The following ANKRD11 variants were observed in gnomAD, a reference collection of about 807,000 sequenced individuals.
The protein encoded by ANKRD11 is ankyrin repeat domain 11, also known as ankyrin repeat domain-containing protein 11.
A neutral mutation model predicts 195.7 loss-of-function variants in ANKRD11; 17 were observed. The observed-to-expected ratio is 0.09, with a 90% CI of 0.06 to 0.13. ANKRD11 has a LOEUF of 0.13. Ranked by LOEUF, ANKRD11 falls within the 10% of genes least tolerant of loss-of-function variation. The probability of loss-of-function intolerance (pLI) is 1.00; values close to 1 mark genes in which losing one functional copy is unlikely to be tolerated. For missense variants in ANKRD11, 3,735 were observed against 3,566.1 expected (o/e 1.05, Z -1.21); for synonymous variants, 1,953 against 1,528.1 (o/e 1.28, Z -6.49).
At chr16:89,487,964 T>C (rs2057677352) in intron 1 of ANKRD11, among the ~76,000 whole-genome samples, 1 of 149,522 alleles carries the variant, frequency 6.7e-6, no homozygotes, top group South Asian at 2.1e-4. Context: ...ATGGCACTGC[T>C]GGTATGGGGT....
chr16:89,332,185 C>A (rs954025664), intron 2 of ANKRD11, among the ~76,000 whole-genome samples: 5 of 152,028 alleles, frequency 3.3e-5, no homozygotes, highest in Non-Finnish European at 7.4e-5. Context: ...GAATGTGTCA[C>A]AGAAATGACT....
At chr16:89,440,376 G>C (rs761330153) in intron 1 of ANKRD11, among the ~76,000 whole-genome samples, 48 of 152,184 alleles carry the variant, frequency 3.2e-4, no homozygotes, top group Non-Finnish European at 4.7e-4. Context: ...GGAAGGCTGA[G>C]GGGGGAGGAT....
intron 1 of ANKRD11, among the ~76,000 whole-genome samples, 155 bp downstream of exon 1, chr16:89,490,090 C>G (rs2057773827): frequency 6.8e-6 from 1 of 146,374 alleles, no homozygotes; most frequent in Admixed American, 6.7e-5. Context: ...GCCCCGGGCC[C>G]CCAAAGACCC....
intron 2 of ANKRD11, among the ~76,000 whole-genome samples, chr16:89,322,638 C>T (rs1399471480): frequency 6.8e-6 from 1 of 148,116 alleles, no homozygotes; most frequent in Non-Finnish European, 1.5e-5. Flanking sequence ...CTGACAGGAT[C>T]AAACACCAAA....
At chr16:89,447,722 C>A (rs2043861700) in intron 1 of ANKRD11, among the ~76,000 whole-genome samples, 1 of 150,786 alleles carries the variant, frequency 6.6e-6, no homozygotes, top group Non-Finnish European at 1.5e-5. Flanking sequence ...CAGGCGTGAG[C>A]CACCGCGCCT....
intron 2 of ANKRD11, among the ~76,000 whole-genome samples, chr16:89,373,875 T>G (rs1313506702): frequency 6.6e-6 from 1 of 152,216 alleles, no homozygotes; most frequent in Non-Finnish European, 1.5e-5. Flanking sequence ...TAATTGCACT[T>G]GACACAGAGG....
At chr16:89,397,295 G>A (rs1694639924) in intron 2 of ANKRD11, among the ~76,000 whole-genome samples, 1 of 152,190 alleles carries the variant, frequency 6.6e-6, no homozygotes, top group African/African-American at 2.4e-5. Flanking sequence ...AACCCCCTCA[G>A]GGCAAGGCCT....
At chr16:89,295,716 C>T (rs2035372150) in intron 4 of ANKRD11, among the ~76,000 whole-genome samples, 1 of 151,954 alleles carries the variant, frequency 6.6e-6, no homozygotes, top group Non-Finnish European at 1.5e-5. Context: ...TGGCACCTGG[C>T]TCTGTGCAGG....
rs78160353 is a variant in ANKRD11 at position 89,374,651 on chromosome 16, G to A, written c.-60+43633C>T. ...GCTCGGGCCATCTCCCGCGTGCTACGATCAGAGGAGAAAAGCTCCTCCAGA... is the reference window on the plus strand; with the variant it reads ...GCTCGGGCCATCTCCCGCGTGCTACAATCAGAGGAGAAAAGCTCCTCCAGA... On this transcript the variant is annotated intron_variant, in intron 2 of 12. Transcript: ENST00000301030. 4.6e-5 allele frequency among the ~76,000 whole-genome samples: 7 copies of A among 152,214 alleles called. No homozygotes were observed. In the East Asian group the frequency reaches 7.7e-4, roughly 17 times the overall value.
chr16:89,419,805 G>C (rs2042439851), intron 1 of ANKRD11, among the ~76,000 whole-genome samples: 1 of 150,976 alleles, frequency 6.6e-6, no homozygotes, highest in Non-Finnish European at 1.5e-5. Flanking sequence ...ACTCCTGGAA[G>C]ATGGAGTGAG....
Position 89,349,861 on chromosome 16 carries a change from AACACACACACAC to A in ANKRD11, c.-59-32795_-59-32784del, listed in dbSNP as rs34592614. Among the ~76,000 whole-genome samples the A allele has an allele frequency of 6.8e-3, 909 of 133,240 alleles. 4 individuals are homozygous for A. The highest frequency in any genetic ancestry group is 0.015 in the East Asian group (71 of 4,656). The allele number at this position is 133,240 out of a possible 152,430, so 87.4% of individuals were successfully genotyped here. ...AAAATACAGGCCAAATACTTGTTAAAACACACACACACACACACACACACACACACACACACA... is the reference window on the plus strand; with the variant it reads ...AAAATACAGGCCAAATACTTGTTAAAACACACACACACACACACACACACA... On this transcript the variant is annotated intron_variant, in intron 2 of 12. Transcript: ENST00000301030.
intron 2 of ANKRD11, among the ~76,000 whole-genome samples, chr16:89,336,620 G>A (rs369697485): frequency 1.4e-4 from 22 of 152,286 alleles, no homozygotes; most frequent in African/African-American, 5.3e-4. Flanking sequence ...GCTTTGTAAG[G>A]ACGGAAAGCC....
chr16:89,333,863 G>C (rs1357622350), intron 2 of ANKRD11, among the ~76,000 whole-genome samples: 1 of 152,158 alleles, frequency 6.6e-6, no homozygotes, highest in East Asian at 1.9e-4. Context: ...GTATTATTCT[G>C]TGAGTATGTT....
rs2151734092 is a variant in ANKRD11, at chr16:89,279,818, C to T, written c.6724G>A (p.Ala2242Thr). 1.9e-6 allele frequency: 3 copies of T among 1,543,544 alleles called. No individual in the cohort carries two copies. The highest frequency in any genetic ancestry group is 2.7e-5 in the African/African-American group (2 of 73,180). ...RGDPDSSVEPAPVPPEQRPLG... is the reference protein window; with the variant it reads ...RGDPDSSVEPTPVPPEQRPLG... ...GGGCGCTGTTCTGGGGGAACGGGCG[C>T]GGGCTCCACGCTGGAGTCCGGATCC... is the stretch of plus-strand genomic sequence containing the variant. Residue 2242 changes from alanine to threonine, a missense_variant, in exon 9 of 13, where the codon GCG becomes ACG. Physicochemically the swap from Ala to Thr is moderately conservative, Grantham distance 58 (BLOSUM62 0). Transcript: ENST00000301030. The surrounding 1 kb of genome is among the most constrained non-coding windows in gnomAD (Gnocchi z 5.6).
chr16:89,344,747 G>A lies in ANKRD11; in HGVS notation c.-59-27669C>T, dbSNP rs543856836. Among the ~76,000 whole-genome samples, 332 of 147,866 alleles carry A rather than the reference G, an allele frequency of 2.2e-3. 1 individual carries two copies. The highest frequency in any genetic ancestry group is 1.2e-3 in the Admixed American group (18 of 15,088). On this transcript the variant is annotated intron_variant, in intron 2 of 12. Coordinates refer to ENST00000301030, the MANE Select transcript of ANKRD11 (RefSeq NM_013275.6). ...AGCACGAGGGCACGGGAGCACAGCG[G>A]AGGGCACGGGAGCACAGCGGAGGGC... is the stretch of plus-strand genomic sequence containing the variant.
intron 2 of ANKRD11, among the ~76,000 whole-genome samples, chr16:89,370,189 C>G (rs2040133185): frequency 6.6e-6 from 1 of 152,230 alleles, no homozygotes; most frequent in African/African-American, 2.4e-5. Flanking sequence ...TGCCCTGGAG[C>G]TGGGGTGGAG....
chr16:89,389,323 C>A (rs1282779184), intron 2 of ANKRD11, among the ~76,000 whole-genome samples: 1 of 151,922 alleles, frequency 6.6e-6, no homozygotes, highest in Non-Finnish European at 1.5e-5. Flanking sequence ...CCACACCCGA[C>A]CTACAACTTT....
chr16:89,487,321 T>C (rs1258720483), intron 1 of ANKRD11, among the ~76,000 whole-genome samples: 2 of 152,222 alleles, frequency 1.3e-5, no homozygotes, highest in African/African-American at 4.8e-5. Flanking sequence ...ATCAAAACAC[T>C]TATTTTGGCA....
chr16:89,294,492 G>A (rs536194871), intron 4 of ANKRD11, among the ~76,000 whole-genome samples: 1 of 152,122 alleles, frequency 6.6e-6, no homozygotes, highest in East Asian at 1.9e-4. Context: ...CCCACAACAC[G>A]CGCCAGACAC....
Sources: gnomAD v4.1 joint callset for allele counts (sites outside exome capture counted in the v4.1 genomes callset) on GRCh38, gnomAD v4.1.1 for gene constraint, Gnocchi (gnomAD v3.1) non-coding constraint, MANE v1.5 for transcripts, NCBI Gene and HGNC (gene_info 2026-07-23, HGNC 2026-07-21) for gene names.